P4HA3: variants seen among roughly 807,000 people sequenced by gnomAD.
The protein encoded by P4HA3 is prolyl 4-hydroxylase subunit alpha-3.
Under a neutral mutation model 66.7 loss-of-function variants are expected in P4HA3, and 60 were observed. The observed-to-expected ratio is 0.90, with a 90% CI of 0.73 to 1.12. The LOEUF is 1.12. Among genes scored for constraint, P4HA3 ranks in the 50% most tolerant of loss-of-function variants. The pLI, the probability that P4HA3 is intolerant of heterozygous loss-of-function variation, is 0.00. For missense variants in P4HA3, 683 were observed against 685.8 expected (o/e 1.00, Z 0.05); for synonymous variants, 263 against 274.6 (o/e 0.96, Z 0.42).
At position 74,304,254 on chromosome 11, in the gene P4HA3, C is replaced by A. The variant is rs1565422949; in HGVS notation, c.343+16G>T. The A allele has an allele frequency of 1.2e-6, 2 of 1,613,390 alleles. No individual in the cohort carries two copies. The highest frequency in any genetic ancestry group is 1.7e-6 in the Non-Finnish European group (2 of 1,179,616). On this transcript the variant is annotated intron_variant, in intron 2 of 12. Coordinates refer to ENST00000331597, the MANE Select transcript of P4HA3 (RefSeq NM_182904.5). ...TAGAATCTTCTCTCTTACCCTCCAG[C>A]CCTCCTCCTCATTACCTCGGATGTT... is the stretch of plus-strand genomic sequence containing the variant.
At chr11:74,290,006 G>A (rs1860954617) in intron 4 of P4HA3, among the ~76,000 whole-genome samples, 1 of 152,116 alleles carries the variant, frequency 6.6e-6, no homozygotes, top group African/African-American at 2.4e-5. Flanking sequence ...CTAGATCCTT[G>A]AGGAATCGCC....
intron 3 of P4HA3, among the ~76,000 whole-genome samples, chr11:74,299,395 G>T (rs1278774368): frequency 1.3e-5 from 2 of 152,162 alleles, no homozygotes; most frequent in Non-Finnish European, 2.9e-5. Context: ...TTGCAATTCT[G>T]CAGCCTAAAC....
chr11:74,277,637 C>A (rs1860446870), intron 8 of P4HA3, among the ~76,000 whole-genome samples: 1 of 152,236 alleles, frequency 6.6e-6, no homozygotes, highest in Non-Finnish European at 1.5e-5. Flanking sequence ...CTTATGAAGA[C>A]ACTTTGTGAA....
chr11:74,292,301 T>A (rs1457037441), intron 4 of P4HA3, among the ~76,000 whole-genome samples: 1 of 152,206 alleles, frequency 6.6e-6, no homozygotes, highest in East Asian at 1.9e-4. Flanking sequence ...ATCCCCTTTA[T>A]CATTTTTTAT....
chr11:74,279,248 A>C, intron 8 of P4HA3, 140 bp downstream of exon 8: 1 of 773,656 alleles, frequency 1.3e-6, no homozygotes, highest in Admixed American at 2.2e-5. Context: ...TCACCCTCTT[A>C]AAAAGAATGT....
At chr11:74,272,791 T>A (rs900364928) in intron 10 of P4HA3, among the ~76,000 whole-genome samples, 8 of 152,326 alleles carry the variant, frequency 5.3e-5, no homozygotes, top group South Asian at 2.1e-4. Flanking sequence ...GTCCCTTCAG[T>A]TAACAGTAAG....
intron 10 of P4HA3, among the ~76,000 whole-genome samples, chr11:74,271,333 C>T (rs372594289): frequency 4.6e-5 from 7 of 152,252 alleles, no homozygotes; most frequent in African/African-American, 1.7e-4. Flanking sequence ...CAGTAAGGGG[C>T]AACCTGGACT....
At chr11:74,268,014 C>A in intron 12 of P4HA3, 131 bp downstream of exon 12, 1 of 778,914 alleles carries the variant, frequency 1.3e-6, no homozygotes, top group Non-Finnish European at 2.1e-6. Flanking sequence ...ATAATCTGAT[C>A]TTCTCAATAT....
chr11:74,277,423 A>G (rs1860439390), intron 8 of P4HA3, among the ~76,000 whole-genome samples: 1 of 152,200 alleles, frequency 6.6e-6, no homozygotes, highest in African/African-American at 2.4e-5. Flanking sequence ...CAAAGCTGCT[A>G]TGGTGTAGAG....
At chr11:74,290,174 T>G (rs1860961284) in intron 4 of P4HA3, among the ~76,000 whole-genome samples, 1 of 152,122 alleles carries the variant, frequency 6.6e-6, no homozygotes, top group Non-Finnish European at 1.5e-5. Context: ...TGGTTTTGAT[T>G]TGCATTTCTC....
intron 10 of P4HA3, among the ~76,000 whole-genome samples, chr11:74,272,657 C>T (rs1860245533): frequency 6.6e-6 from 1 of 152,144 alleles, no homozygotes; most frequent in Non-Finnish European, 1.5e-5. Flanking sequence ...CTTGGCTGTC[C>T]TGTGGAGACC....
rs568340429 is a variant in P4HA3, at chr11:74,267,529, G to A, written c.1565-211C>T. ...ATAGCAAAGAGGACATTGTCCTCTG[G>A]AAAAAAGTCACAGGTCCTGTCTCCT... On this transcript the variant is annotated intron_variant, in intron 12 of 12. Transcript: ENST00000331597. Among the ~76,000 whole-genome samples the A allele has an allele frequency of 3.3e-5, 5 of 152,316 alleles. No homozygotes were observed. The East Asian group carries it at 9.6e-4, about 29-fold the overall frequency.
chr11:74,293,158 A>T (rs1378246876), intron 4 of P4HA3, among the ~76,000 whole-genome samples: 14 of 150,348 alleles, frequency 9.3e-5, no homozygotes, highest in African/African-American at 2.5e-4. Context: ...TATTTAGGAT[A>T]GTTAGCTCTT....
chr11:74,286,067 A>C, intron 6 of P4HA3, 82 bp from the exon 7 acceptor site: 4 of 1,508,860 alleles, frequency 2.7e-6, no homozygotes, highest in Non-Finnish European at 3.6e-6. Flanking sequence ...GGCATAAAAA[A>C]ATTGGAATGC....
chr11:74,282,936 G>C (rs1860657155), intron 7 of P4HA3, among the ~76,000 whole-genome samples: 1 of 152,168 alleles, frequency 6.6e-6, no homozygotes, highest in African/African-American at 2.4e-5. Flanking sequence ...AGGGCTAGCG[G>C]GCCCAGCGAA....
Position 74,289,134 on chromosome 11 carries a change from TTA to T in P4HA3, c.718-6_718-5del. ...GGGCACACGAAACATTTCCTGCCTG[TTA>T]AAAAAAAAAAAAAGAAAAGAAAGCA... On this transcript the variant is annotated splice_polypyrimidine_tract_variant and splice_region_variant and intron_variant, in intron 4 of 12. Transcript: ENST00000331597. The T allele has an allele frequency of 1.3e-6, 2 of 1,557,028 alleles. No homozygotes were observed. Among genetic ancestry groups the T allele is most frequent in the East Asian group, 2.3e-5 (1 of 43,346 alleles).
chr11:74,269,734 G>GCCTCT lies in P4HA3; in HGVS notation c.1399-15_1399-14insAGAGG. On this transcript the variant is annotated splice_polypyrimidine_tract_variant and intron_variant, in intron 10 of 12. Transcript: ENST00000331597. Reference sequence around the variant, plus strand: ...CACCGAGCTCAGCTACAAGACCAGAGGAAGAAGCCAGAGTTAAAACTGCCA... The same window carrying GCCTCT: ...CACCGAGCTCAGCTACAAGACCAGAGCCTCTGAAGAAGCCAGAGTTAAAACTGCCA... 1 of 1,613,350 alleles carries GCCTCT rather than the reference G, an allele frequency of 6.2e-7. No individual in the cohort carries two copies.
chr11:74,272,976 T>C (rs1565406027), intron 10 of P4HA3, among the ~76,000 whole-genome samples: 2 of 152,234 alleles, frequency 1.3e-5, no homozygotes, highest in South Asian at 4.2e-4. Context: ...GAAGTACAAT[T>C]TATTGGTTTA....
intron 1 of P4HA3, among the ~76,000 whole-genome samples, chr11:74,311,191 T>TC (rs1861730816): frequency 6.6e-6 from 1 of 151,882 alleles, no homozygotes; most frequent in South Asian, 2.1e-4. Flanking sequence ...AGTGTCAGGG[T>TC]CCCACACAGG....
Sources: gnomAD v4.1 joint callset for allele counts (sites outside exome capture counted in the v4.1 genomes callset) on GRCh38, gnomAD v4.1.1 for gene constraint, MANE v1.5 for transcripts, NCBI Gene and HGNC (gene_info 2026-07-23, HGNC 2026-07-21) for gene names.